The following SETD7 variants were observed in gnomAD, a reference collection of about 807,000 sequenced individuals.
SETD7 encodes the protein histone-lysine N-methyltransferase SETD7.
A neutral mutation model predicts 41.8 loss-of-function variants in SETD7; 16 were observed. The observed-to-expected ratio is 0.38, with a 90% CI of 0.26 to 0.58. The LOEUF (loss-of-function observed/expected upper bound fraction) is 0.58. Ranked by LOEUF, SETD7 falls within the 20% of genes least tolerant of loss-of-function variation. The probability of loss-of-function intolerance (pLI) is 0.64; values close to 1 mark genes in which losing one functional copy is unlikely to be tolerated. For missense variants in SETD7, 346 were observed against 459.7 expected (o/e 0.75, Z 2.26); for synonymous variants, 163 against 169.7 (o/e 0.96, Z 0.31).
downstream of SETD7, among the ~76,000 whole-genome samples, chr4:139,504,636 C>T (rs146213097): frequency 3.9e-4 from 60 of 152,286 alleles, no homozygotes; most frequent in African/African-American, 1.4e-3. Flanking sequence ...GAGATGACTG[C>T]TGAAACAATT....
In SETD7 at chr4:139,523,345, G is replaced by C; in HGVS notation, c.644+9C>G. ...AACAGTGCAATTAAAACCCCAAGGA[G>C]GAAATTACCTTTCTGATTCATAAGG... On this transcript the variant is annotated intron_variant, in intron 5 of 7. Coordinates refer to ENST00000274031, the MANE Select transcript of SETD7 (RefSeq NM_030648.4). 1 of 1,600,096 alleles carries C rather than the reference G, an allele frequency of 6.2e-7. No individual in the cohort carries two copies. The highest frequency in any genetic ancestry group is 8.6e-7 in the Non-Finnish European group (1 of 1,167,454).
At chr4:139,543,272 T>C (rs1477047929) in intron 2 of SETD7, among the ~76,000 whole-genome samples, 1 of 152,118 alleles carries the variant, frequency 6.6e-6, no homozygotes, top group Non-Finnish European at 1.5e-5. Context: ...AATAGACAAA[T>C]ATAAATAAAA....
intron 1 of SETD7, among the ~76,000 whole-genome samples, chr4:139,553,337 C>T (rs1366872688): frequency 6.6e-6 from 1 of 152,222 alleles, no homozygotes; most frequent in Non-Finnish European, 1.5e-5. Context: ...GACACAGGTT[C>T]TTTCTCCCCA....
chr4:139,517,042 T>A (rs189257640), intron 7 of SETD7, among the ~76,000 whole-genome samples: 1 of 152,364 alleles, frequency 6.6e-6, no homozygotes, highest in African/African-American at 2.4e-5. Flanking sequence ...ACAATTCTCA[T>A]CCATGTTGTA....
chr4:139,552,560 G>A (rs1304678717), intron 1 of SETD7, among the ~76,000 whole-genome samples: 5 of 152,070 alleles, frequency 3.3e-5, no homozygotes, highest in Non-Finnish European at 7.4e-5. Context: ...GAGCCCCCAC[G>A]GCTTCCATGG....
chr4:139,539,702 T>G (rs1326766761), intron 2 of SETD7, among the ~76,000 whole-genome samples: 2 of 152,194 alleles, frequency 1.3e-5, no homozygotes, highest in Non-Finnish European at 2.9e-5. Context: ...CAAATTCCTG[T>G]GTTGAACTCC....
At chr4:139,553,252 C>T (rs1466212306) in intron 1 of SETD7, among the ~76,000 whole-genome samples, 1 of 152,324 alleles carries the variant, frequency 6.6e-6, no homozygotes, top group African/African-American at 2.4e-5. Context: ...GACATTTAAA[C>T]TCAATCCTGA....
intron 5 of SETD7, 84 bp from the exon 6 acceptor site, chr4:139,520,478 T>A: frequency 1.5e-6 from 1 of 688,674 alleles, no homozygotes; most frequent in Non-Finnish European, 2.4e-6. Flanking sequence ...TCATTAAGGC[T>A]ACTGATTCCA....
In SETD7 at chr4:139,555,238, C is replaced by CG. The variant is rs1444663093; in HGVS notation, c.40+859dup. Among the ~76,000 whole-genome samples the CG allele has an allele frequency of 6.7e-6, 1 of 149,330 alleles. No individual in the cohort carries two copies. The highest frequency in any genetic ancestry group is 6.6e-5 in the Admixed American group (1 of 15,042). On this transcript the variant is annotated intron_variant, in intron 1 of 7. Transcript: ENST00000274031. This position sits in a 1 kb window ranked among gnomAD's most constrained non-coding sequence, Gnocchi z 4.0. The stretch of plus-strand genomic sequence containing the variant: ...AGCAAAACAAAGTGGCGAGAAAAGT[C>CG]GGGGGAGGGGCGGTAGAAGAGAAGG...
chr4:139,535,554 C>T (rs1207889839), intron 2 of SETD7, among the ~76,000 whole-genome samples: 1 of 152,130 alleles, frequency 6.6e-6, no homozygotes, highest in Non-Finnish European at 1.5e-5. Flanking sequence ...GCAAATCAGA[C>T]AAAAAATAAT....
In SETD7 at chr4:139,533,354, C is replaced by T; in HGVS notation, c.183G>A (p.Gly61=). The T allele has an allele frequency of 1.9e-6, 3 of 1,613,690 alleles. No individual in the cohort carries two copies. Among genetic ancestry groups the T allele is most frequent in the South Asian group, 2.2e-5 (2 of 90,972 alleles). ...FFFFDGSTLE[G]YYVDDALQGQ... is the part of the protein sequence containing the mutation. Reference sequence around the variant, plus strand: ...CCTGCAAGGCATCATCCACATAATACCCCTCCAGGGTGCTGTGAGGAAAGG... The same window carrying T: ...CCTGCAAGGCATCATCCACATAATATCCCTCCAGGGTGCTGTGAGGAAAGG... The change falls in exon 3 of 8, where the codon GGG becomes GGA. Residue 61 remains glycine, a synonymous_variant. Coordinates refer to ENST00000274031, the MANE Select transcript of SETD7 (RefSeq NM_030648.4).
At chr4:139,548,825 C>T (rs988611471) in intron 1 of SETD7, among the ~76,000 whole-genome samples, 1 of 152,046 alleles carries the variant, frequency 6.6e-6, no homozygotes, top group Non-Finnish European at 1.5e-5. Context: ...TTCCTCTTAA[C>T]ACAAAAGAGG....
intron 1 of SETD7, among the ~76,000 whole-genome samples, chr4:139,552,072 G>A (rs1325555249): frequency 6.6e-6 from 1 of 151,962 alleles, no homozygotes; most frequent in Non-Finnish European, 1.5e-5. Context: ...TTTGTTACCT[G>A]GATAATTTTT....
intron 4 of SETD7, among the ~76,000 whole-genome samples, chr4:139,526,324 G>T (rs1178604862): frequency 6.6e-6 from 1 of 150,898 alleles, no homozygotes; most frequent in Non-Finnish European, 1.5e-5. Context: ...GCCCAGACTG[G>T]AGTGCAGTGC....
At chr4:139,549,324 A>G (rs1377120640) in intron 1 of SETD7, among the ~76,000 whole-genome samples, 1 of 152,234 alleles carries the variant, frequency 6.6e-6, no homozygotes, top group East Asian at 1.9e-4. Flanking sequence ...TCCAATATAA[A>G]TTAATTTCCA....
chr4:139,522,935 G>T (rs1353946716), intron 5 of SETD7, among the ~76,000 whole-genome samples: 3 of 151,822 alleles, frequency 2.0e-5, no homozygotes, highest in African/African-American at 7.3e-5. Context: ...TGTATTTTTA[G>T]TAGAGATGGG....
chr4:139,545,072 A>T (rs1272786441), intron 2 of SETD7, among the ~76,000 whole-genome samples: 1 of 152,204 alleles, frequency 6.6e-6, no homozygotes, highest in Non-Finnish European at 1.5e-5. Context: ...GAATAAGGTT[A>T]AAAGTGACAC....
At chr4:139,543,079 C>G (rs910424069) in intron 2 of SETD7, among the ~76,000 whole-genome samples, 21 of 152,218 alleles carry the variant, frequency 1.4e-4, no homozygotes, top group Non-Finnish European at 2.8e-4. Context: ...CAGGTTTCAA[C>G]AACTTTCTTC....
chr4:139,532,098 C>CA (rs930938339), intron 3 of SETD7, among the ~76,000 whole-genome samples: 2 of 150,996 alleles, frequency 1.3e-5, no homozygotes, highest in South Asian at 2.1e-4. Flanking sequence ...TGTCTCAAAA[C>CA]AAAAAAAGAG....
Sources: gnomAD v4.1 joint callset for allele counts (sites outside exome capture counted in the v4.1 genomes callset) on GRCh38, gnomAD v4.1.1 for gene constraint, Gnocchi (gnomAD v3.1) non-coding constraint, MANE v1.5 for transcripts, NCBI Gene and HGNC (gene_info 2026-07-23, HGNC 2026-07-21) for gene names.